The following LARP1 variants were observed in gnomAD, a reference collection of about 807,000 sequenced individuals.
The protein encoded by LARP1 is la-related protein 1.
In LARP1, 36 loss-of-function variants were observed where a neutral mutation model predicts 122.7. That is an observed-to-expected ratio of 0.29 (90% confidence interval 0.22 to 0.39). The LOEUF (loss-of-function observed/expected upper bound fraction) is 0.39, where lower values mean the gene tolerates loss of function less well. LARP1 is among the 10% of genes least tolerant of loss of function. The pLI is 1.00. For synonymous variants in LARP1, 539 were observed against 528.7 expected (o/e 1.02, Z -0.27); for missense variants, 1,040 against 1,403.6 (o/e 0.74, Z 4.14).
chr5:154,690,376 TA>T (rs1754135770), intron 1 of LARP1, among the ~76,000 whole-genome samples: 2 of 150,180 alleles, frequency 1.3e-5, no homozygotes, highest in South Asian at 4.1e-4. Flanking sequence ...CCCGGGCTAA[TA>T]ATAATAACTG....
chr5:154,688,314 A>G (rs749647024), intron 1 of LARP1, among the ~76,000 whole-genome samples: 2 of 152,128 alleles, frequency 1.3e-5, no homozygotes, highest in Non-Finnish European at 2.9e-5. Context: ...AGATTTATGT[A>G]AAAATACATT....
In LARP1 at chr5:154,814,194, A is replaced by T; in HGVS notation, c.*98A>T. ...CCAGGAAAGGGGACAATGAAGGGAC[A>T]GGCCTGGAGTTACTAGGACAGGCCT... On this transcript the variant is annotated 3_prime_UTR_variant, in exon 19 of 19. Coordinates refer to ENST00000518297, the MANE Select transcript of LARP1 (RefSeq NM_033551.3). 8.1e-7 allele frequency: 1 copy of T among 1,228,224 alleles called. No homozygotes were observed. The highest frequency in any genetic ancestry group is 1.2e-6 in the Non-Finnish European group (1 of 861,616). The allele number at this position is 1,228,224 out of a possible 1,614,324, so 76.1% of individuals were successfully genotyped here. A position where few individuals can be genotyped will look rare whatever the true frequency, so the allele number is the denominator to read the frequency against.
intron 1 of LARP1, among the ~76,000 whole-genome samples, chr5:154,768,275 T>C (rs1402238730): frequency 2.0e-5 from 3 of 152,220 alleles, no homozygotes; most frequent in Non-Finnish European, 4.4e-5. Context: ...CAAAATACTT[T>C]TCAGATTCAT....
Position 154,799,964 on chromosome 5 carries a change from T to C in LARP1, c.1638T>C (p.Ser546=). The C allele has an allele frequency of 6.2e-7, 1 of 1,614,184 alleles. No homozygotes were observed. The highest frequency in any genetic ancestry group is 2.2e-5 in the East Asian group (1 of 44,882). The part of the protein sequence containing the change: ...SNLKTLPKGL[S]ASLPDLDSEN... ...TAAAGACACTACCCAAGGGCCTGTC[T>C]GCCAGCCTGCCTGACCTGGATTCTG... is the stretch of plus-strand genomic sequence containing the variant. Residue 546 remains serine, a synonymous_variant, in exon 10 of 19, where the codon TCT becomes TCC. Coordinates refer to ENST00000518297, the MANE Select transcript of LARP1 (RefSeq NM_033551.3).
intron 1 of LARP1, 91 bp downstream of exon 1, chr5:154,756,284 T>C: frequency 2.0e-6 from 2 of 1,001,274 alleles, no homozygotes; most frequent in South Asian, 2.4e-5. Context: ...CCCCGGGGTC[T>C]GCTACCGGTC....
chr5:154,783,737 A>T (rs963852679), intron 1 of LARP1, among the ~76,000 whole-genome samples: 3 of 152,164 alleles, frequency 2.0e-5, no homozygotes, highest in Non-Finnish European at 2.9e-5. Context: ...AGAGTTTAGA[A>T]CAGTGTGTGG....
At chr5:154,685,316 T>A (rs996918792) in intron 1 of LARP1, among the ~76,000 whole-genome samples, 1 of 151,362 alleles carries the variant, frequency 6.6e-6, no homozygotes, top group Non-Finnish European at 1.5e-5. Flanking sequence ...CTGCCCAGCC[T>A]ACCCCTTAAT....
At position 154,777,508 on chromosome 5, in the gene LARP1, G is replaced by A. The variant is rs1377237152; in HGVS notation, c.437-12817G>A. On this transcript the variant is annotated intron_variant, in intron 1 of 18. Coordinates refer to ENST00000518297, the MANE Select transcript of LARP1 (RefSeq NM_033551.3). ...TGCACTCCAGCCTGGGTGACAGAGC[G>A]AGACTCTGTATCAAAAAGAAAAAGT... is the stretch of plus-strand genomic sequence containing the variant. 4.6e-5 allele frequency among the ~76,000 whole-genome samples: 7 copies of A among 152,152 alleles called. No homozygotes were observed. In the South Asian group the frequency reaches 6.2e-4, roughly 14 times the overall value.
intron 1 of LARP1, among the ~76,000 whole-genome samples, chr5:154,695,805 A>G (rs1328244102): frequency 6.6e-6 from 1 of 151,554 alleles, no homozygotes; most frequent in African/African-American, 2.4e-5. Context: ...CCCGGGAGGC[A>G]AAGGTCACAG....
At chr5:154,700,345 T>C (rs1013734590) in intron 1 of LARP1, among the ~76,000 whole-genome samples, 3 of 152,022 alleles carry the variant, frequency 2.0e-5, no homozygotes, top group South Asian at 2.1e-4. Context: ...TGAGTCATTG[T>C]GTGTTTTTTC....
At chr5:154,687,846 C>T (rs1212527523) in intron 1 of LARP1, among the ~76,000 whole-genome samples, 1 of 152,170 alleles carries the variant, frequency 6.6e-6, no homozygotes, top group Non-Finnish European at 1.5e-5. Context: ...GCCAGCTCTG[C>T]CTCTTGTCAG....
intron 1 of LARP1, among the ~76,000 whole-genome samples, chr5:154,743,270 T>A (rs1299535270): frequency 1.3e-5 from 2 of 152,006 alleles, no homozygotes; most frequent in Non-Finnish European, 2.9e-5. Context: ...CATTATTACT[T>A]TTATTATTAA....
chr5:154,747,302 T>TC (rs772847335), intron 1 of LARP1, among the ~76,000 whole-genome samples: 95 of 127,050 alleles, frequency 7.5e-4, no homozygotes, highest in African/African-American at 2.6e-3. Context: ...CAAGACTCTG[T>TC]CCCAAAAAAA....
intron 16 of LARP1, among the ~76,000 whole-genome samples, chr5:154,809,654 T>C (rs1759090002): frequency 6.6e-6 from 1 of 152,094 alleles, no homozygotes; most frequent in Non-Finnish European, 1.5e-5. Context: ...TAATGTATTA[T>C]TGTAAGCATT....
intron 1 of LARP1, among the ~76,000 whole-genome samples, chr5:154,785,352 A>C (rs1756799802): frequency 6.6e-6 from 1 of 152,106 alleles, no homozygotes; most frequent in Non-Finnish European, 1.5e-5. Flanking sequence ...TGATTCTTTC[A>C]TTTTGAGAGA....
chr5:154,687,302 T>C (rs1430081208), intron 1 of LARP1, among the ~76,000 whole-genome samples: 1 of 152,274 alleles, frequency 6.6e-6, no homozygotes, highest in Non-Finnish European at 1.5e-5. Context: ...GTAGTAATCT[T>C]CCCACCCAGA....
intron 16 of LARP1, 30 bp downstream of exon 16, chr5:154,808,633 T>C: frequency 6.2e-7 from 1 of 1,602,454 alleles, no homozygotes; most frequent in Non-Finnish European, 8.5e-7. Context: ...GGACTTTGGC[T>C]GGTGCTTAGG....
rs185444083 is a variant in LARP1 at position 154,805,312 on chromosome 5, T to G, written c.2547-569T>G. The G allele has an allele frequency of 6.1e-5, 13 of 214,390 alleles. 1 individual carries two copies. In the East Asian group the frequency reaches 1.6e-3, roughly 27 times the overall value. The allele number at this position is 214,390 out of a possible 1,614,324, so 13.3% of individuals were successfully genotyped here. A position where few individuals can be genotyped will look rare whatever the true frequency, so the allele number is the denominator to read the frequency against. On this transcript the variant is annotated intron_variant, in intron 14 of 18. Coordinates refer to ENST00000518297, the MANE Select transcript of LARP1 (RefSeq NM_033551.3). ...TCTTCATCGTCGTGGTCTTCATGTT[T>G]AGCAGGCTGAGAAGGAGGGGTTGGT...
At chr5:154,806,676 C>T (rs915571506) in intron 15 of LARP1, among the ~76,000 whole-genome samples, 5 of 152,168 alleles carry the variant, frequency 3.3e-5, no homozygotes, top group Non-Finnish European at 5.9e-5. Flanking sequence ...TGTAAAGACG[C>T]GCAAAACCAA....
Sources: gnomAD v4.1 joint callset for allele counts (sites outside exome capture counted in the v4.1 genomes callset) on GRCh38, gnomAD v4.1.1 for gene constraint, MANE v1.5 for transcripts, NCBI Gene and HGNC (gene_info 2026-07-23, HGNC 2026-07-21) for gene names.